The following CA9 variants were observed in gnomAD, a reference collection of about 807,000 sequenced individuals.
The protein encoded by CA9 is CA-IX.
A neutral mutation model predicts 51.8 loss-of-function variants in CA9; 43 were observed. The ratio of observed to expected loss-of-function variants is 0.83; its 90% CI spans 0.65 to 1.07. The LOEUF (loss-of-function observed/expected upper bound fraction) is 1.07, where lower values mean the gene tolerates loss of function less well. Among genes scored for constraint, CA9 ranks in the 50% least tolerant of loss-of-function variants. CA9 has a pLI of 0.00. For synonymous variants in CA9, 253 were observed against 244.2 expected (o/e 1.04, Z -0.34); for missense variants, 574 against 581.4 (o/e 0.99, Z 0.13).
intron 9 of CA9, 134 bp downstream of exon 9, chr9:35,680,273 A>C (rs1297751624): frequency 3.0e-6 from 3 of 985,572 alleles, no homozygotes; most frequent in Non-Finnish European, 4.8e-6. Context: ...TTAGAGAGGC[A>C]GATCATGGTG....
At chr9:35,678,219 G>T (rs969888460) in intron 6 of CA9, among the ~76,000 whole-genome samples, 60 of 151,958 alleles carry the variant, frequency 3.9e-4, no homozygotes, top group Middle Eastern at 3.4e-3. Flanking sequence ...GGTGGCGGGT[G>T]CCTGTAATCC....
intron 5 of CA9, among the ~76,000 whole-genome samples, chr9:35,677,222 C>T (rs1824441431): frequency 6.6e-6 from 1 of 152,060 alleles, no homozygotes; most frequent in African/African-American, 2.4e-5. Context: ...CATAGCATGT[C>T]AATATGTTCA....
At chr9:35,675,660 C>A in intron 2 of CA9, 93 bp downstream of exon 2, 1 of 1,335,852 alleles carries the variant, frequency 7.5e-7, no homozygotes, top group Non-Finnish European at 1.1e-6. Context: ...CCCGGGCGTC[C>A]CACCCGCCGC....
intron 5 of CA9, among the ~76,000 whole-genome samples, chr9:35,677,129 A>C (rs573784238): frequency 1.8e-4 from 27 of 152,248 alleles, no homozygotes; most frequent in African/African-American, 5.8e-4. Flanking sequence ...TGCTGATTAC[A>C]AGTGTGAGCC....
chr9:35,674,687 G>C, intron 1 of CA9: 1 of 231,522 alleles, frequency 4.3e-6, no homozygotes, highest in South Asian at 1.0e-4. Flanking sequence ...GGTGGAGAAG[G>C]AGAGTCAGAG....
At chr9:35,677,255 T>C (rs1824442927) in intron 5 of CA9, among the ~76,000 whole-genome samples, 1 of 152,212 alleles carries the variant, frequency 6.6e-6, no homozygotes, top group South Asian at 2.1e-4. Flanking sequence ...CATAATGTTC[T>C]TAACATTAGG....
At chr9:35,674,577 G>A (rs1824381114) in intron 1 of CA9, 1 of 513,706 alleles carries the variant, frequency 1.9e-6, no homozygotes, top group Non-Finnish European at 3.4e-6. Flanking sequence ...AAAGGAGAGA[G>A]GTGAGCTGGA....
rs1824423443 is a variant in CA9 at position 35,676,362 on chromosome 9, C to T, written c.813C>T (p.Gly271=). ...ACGAGGCCTTGGGGCGCCCGGGAGGCCTGGCCGTGTTGGCCGCCTTTCTGG... is the reference window on the plus strand; with the variant it reads ...ACGAGGCCTTGGGGCGCCCGGGAGGTCTGGCCGTGTTGGCCGCCTTTCTGG... The part of the protein sequence containing the change: ...RVDEALGRPG[G]LAVLAAFLEE... Residue 271 remains glycine, a synonymous_variant, in exon 5 of 11, where the codon GGC becomes GGT. Coordinates refer to ENST00000378357, the MANE Select transcript of CA9 (RefSeq NM_001216.3). 2 of 1,613,844 alleles carry T rather than the reference C, an allele frequency of 1.2e-6. No individual in the cohort carries two copies. The highest frequency in any genetic ancestry group is 1.7e-6 in the Non-Finnish European group (2 of 1,179,950).
intron 5 of CA9, among the ~76,000 whole-genome samples, chr9:35,677,221 T>C (rs1348217619): frequency 6.6e-6 from 1 of 152,164 alleles, no homozygotes; most frequent in East Asian, 1.9e-4. Context: ...TCATAGCATG[T>C]CAATATGTTC....
At chr9:35,678,008 C>G (rs950582525) in intron 6 of CA9, 152 bp downstream of exon 6, 3 of 686,700 alleles carry the variant, frequency 4.4e-6, no homozygotes, top group African/African-American at 1.8e-5. Flanking sequence ...AACCATGAAG[C>G]TGACAGACAC....
intron 9 of CA9, 78 bp from the exon 10 acceptor site, chr9:35,680,675 G>A (rs1824529441): frequency 8.6e-7 from 1 of 1,168,884 alleles, no homozygotes; most frequent in Non-Finnish European, 1.3e-6. Flanking sequence ...GGGTGGTGGA[G>A]TGCACTGAGG....
At position 35,679,297 on chromosome 9, in the gene CA9, C is replaced by T; in HGVS notation, c.1020C>T (p.Val340=). ...SLTTPPCAQG[V]IWTVFNQTVM... ...CTACACCGCCCTGTGCCCAGGGTGTCATCTGGACTGTGTTTAACCAGACAG... is the reference window on the plus strand; with the variant it reads ...CTACACCGCCCTGTGCCCAGGGTGTTATCTGGACTGTGTTTAACCAGACAG... Residue 340 remains valine (V), a synonymous_variant, in exon 7 of 11, where the codon GTC becomes GTT. Transcript: ENST00000378357. The T allele has an allele frequency of 1.2e-6, 2 of 1,614,156 alleles. No homozygotes were observed. Among genetic ancestry groups the T allele is most frequent in the Non-Finnish European group, 1.7e-6 (2 of 1,180,032 alleles).
rs771989297 is a variant in CA9 at position 35,680,800 on chromosome 9, G to A, written c.1285G>A (p.Val429Ile). The A allele has an allele frequency of 9.3e-6, 15 of 1,614,218 alleles. No individual in the cohort carries two copies. The highest frequency in any genetic ancestry group is 1.7e-5 in the Admixed American group (1 of 60,026). ...VFGLLFAVTS[V>I]AFLVQMRRQH... ...TGGCCTCCTTTTTGCTGTCACCAGC[G>A]TCGCGTTCCTTGTGCAGATGAGAAG... is the stretch of plus-strand genomic sequence containing the variant. The change falls in exon 10 of 11, where the codon GTC becomes ATC. Residue 429 changes from valine (V) to isoleucine (I), a missense_variant. Val to Ile is a conservative substitution (Grantham distance 29). Transcript: ENST00000378357.
At position 35,675,950 on chromosome 9, in the gene CA9, C is replaced by G; in HGVS notation, c.604+19C>G. Reference sequence around the variant, plus strand: ...CACAGTGGTGAGGGGGTCTCCCCGCCGAGACTTGGGGATGGGGCGGGGCGC... The same window carrying G: ...CACAGTGGTGAGGGGGTCTCCCCGCGGAGACTTGGGGATGGGGCGGGGCGC... On this transcript the variant is annotated intron_variant, in intron 3 of 10. Transcript: ENST00000378357. 1 of 1,600,088 alleles carries G rather than the reference C, an allele frequency of 6.2e-7. No homozygotes were observed. The highest frequency in any genetic ancestry group is 8.5e-7 in the Non-Finnish European group (1 of 1,172,524).
intron 1 of CA9, 104 bp downstream of exon 1, chr9:35,674,466 A>G (rs1824379335): frequency 9.2e-7 from 1 of 1,088,652 alleles, no homozygotes; most frequent in Non-Finnish European, 1.3e-6. Flanking sequence ...GGGAGACTGT[A>G]CTCCCCACAG....
In CA9 at chr9:35,680,139, G is replaced by A. The variant is rs766347301; in HGVS notation, c.1237G>A (p.Gly413Ser). Reference protein sequence around the residue: ...PVQLNSCLAAGDILALVFGLL... With the variant: ...PVQLNSCLAASDILALVFGLL... ...CCAGCTGAATTCCTGCCTGGCTGCT[G>A]GTGAGTCTGCCCCTCCTCTTGGTCC... The change falls in exon 9 of 11, where the codon GGT becomes AGT. Residue 413 changes from glycine (G) to serine (S), a missense_variant and splice_region_variant. Coordinates refer to ENST00000378357, the MANE Select transcript of CA9 (RefSeq NM_001216.3). The A allele has an allele frequency of 6.2e-7, 1 of 1,614,142 alleles. No homozygotes were observed. Among genetic ancestry groups the A allele is most frequent in the East Asian group, 2.2e-5 (1 of 44,882 alleles).
chr9:35,678,676 T>G (rs1035551395), intron 6 of CA9, among the ~76,000 whole-genome samples: 6 of 150,818 alleles, frequency 4.0e-5, no homozygotes, highest in African/African-American at 1.5e-4. Context: ...TACAAGTTAT[T>G]CAGATCATTT....
Position 35,680,791 on chromosome 9 carries a change from G to C in CA9, c.1276G>C (p.Val426Leu). 1 of 1,614,214 alleles carries C rather than the reference G, an allele frequency of 6.2e-7. No homozygotes were observed. The highest frequency in any genetic ancestry group is 8.5e-7 in the Non-Finnish European group (1 of 1,180,044). ...CCTGGTTTTTGGCCTCCTTTTTGCT[G>C]TCACCAGCGTCGCGTTCCTTGTGCA... ...LALVFGLLFAVTSVAFLVQMR... is the reference protein window; with the variant it reads ...LALVFGLLFALTSVAFLVQMR... The change falls in exon 10 of 11, where the codon GTC becomes CTC. Residue 426 changes from valine (V) to leucine (L), a missense_variant. Coordinates refer to ENST00000378357, the MANE Select transcript of CA9 (RefSeq NM_001216.3).
rs1389080115 is a variant in CA9 at position 35,679,974 on chromosome 9, A to G, written c.1186A>G (p.Ser396Gly). Residue 396 changes from serine to glycine, a missense_variant, in exon 8 of 11, where the codon AGC becomes GGC. Physicochemically the swap from Ser to Gly is moderately conservative, Grantham distance 56 (BLOSUM62 0). Coordinates refer to ENST00000378357, the MANE Select transcript of CA9 (RefSeq NM_001216.3). Reference protein sequence around the residue: ...IEASFPAGVDSSPRAAEPVQL... With the variant: ...IEASFPAGVDGSPRAAEPVQL... The stretch of plus-strand genomic sequence containing the variant: ...GGCCTCCTTCCCTGCTGGAGTGGAC[A>G]GCAGTCCTCGGGCTGCTGAGCCAGG... 1.1e-5 allele frequency: 17 copies of G among 1,614,090 alleles called. No homozygotes were observed. Among genetic ancestry groups the G allele is most frequent in the Admixed American group, 8.3e-5 (5 of 60,014 alleles).
Sources: allele counts gnomAD v4.1 joint callset (sites outside exome capture counted in the v4.1 genomes callset), GRCh38; gene constraint gnomAD v4.1.1; transcripts MANE v1.5; gene names NCBI Gene and HGNC (gene_info 2026-07-23, HGNC 2026-07-21).